Variants in SEPSECS observed in about 807,000 individuals in gnomAD.
The protein encoded by SEPSECS is Sep (O-phosphoserine) tRNA:Sec (selenocysteine) tRNA synthase.
SEPSECS carries 42 observed loss-of-function variants against 52.1 expected under a neutral mutation model. The observed-to-expected ratio is 0.81, with a 90% CI of 0.63 to 1.04. The LOEUF (loss-of-function observed/expected upper bound fraction) is 1.04. Ranked by LOEUF, SEPSECS falls within the 50% of genes least tolerant of loss-of-function variation. SEPSECS has a pLI of 0.00. For missense variants in SEPSECS, 590 were observed against 610.6 expected (o/e 0.97, Z 0.36); for synonymous variants, 216 against 211.4 (o/e 1.02, Z -0.19).
chr4:25,160,120 C>A (rs1712973427), intron 1 of SEPSECS, 136 bp downstream of exon 1: 1 of 1,468,158 alleles, frequency 6.8e-7, no homozygotes, highest in Non-Finnish European at 9.0e-7. Flanking sequence ...TCAGCTAGGG[C>A]AAGCCAAGCT....
chr4:25,158,715 C>A lies in SEPSECS; in HGVS notation c.269+238G>T, dbSNP rs920370761. On this transcript the variant is annotated intron_variant, in intron 2 of 10. Transcript: ENST00000382103. ...GAAAACGTATAGCCTGTGTTAGTCA[C>A]CCAGAACCTGACAGGGTAACCCCCA... Among the ~76,000 whole-genome samples the A allele has an allele frequency of 5.9e-5, 9 of 152,152 alleles. No individual in the cohort carries two copies. In the East Asian group the frequency reaches 1.3e-3, roughly 23 times the overall value.
At chr4:25,160,563 A>T (rs1713024552), upstream of SEPSECS, 5 of 515,574 alleles carry the variant, frequency 9.7e-6, no homozygotes, top group Non-Finnish European at 1.7e-5. Context: ...ATGGCGCTCC[A>T]GGAGGAAGTT....
chr4:25,120,748 A>G lies in SEPSECS; in HGVS notation c.*3183T>C, dbSNP rs1728090095. On this transcript the variant is annotated 3_prime_UTR_variant, in exon 11 of 11. Coordinates refer to ENST00000382103, the MANE Select transcript of SEPSECS (RefSeq NM_016955.4). Reference sequence around the variant, plus strand: ...GTATGTATTCCAAAAACTTTCTCCGAGTATGAGTCAGACTCACCAGAGCTT... The same window carrying G: ...GTATGTATTCCAAAAACTTTCTCCGGGTATGAGTCAGACTCACCAGAGCTT... 6.6e-6 allele frequency: 1 copy of G among 152,194 alleles called. No individual in the cohort carries two copies. Among genetic ancestry groups the G allele is most frequent in the African/African-American group, 2.4e-5 (1 of 41,470 alleles). The allele number at this position is 152,194 out of a possible 1,614,324, so 9.4% of individuals were successfully genotyped here. A position where few individuals can be genotyped will look rare whatever the true frequency, so the allele number is the denominator to read the frequency against.
intron 6 of SEPSECS, among the ~76,000 whole-genome samples, chr4:25,149,697 G>T (rs1272992382): frequency 6.6e-6 from 1 of 152,064 alleles, no homozygotes; most frequent in Non-Finnish European, 1.5e-5. Flanking sequence ...AAATTACACA[G>T]AAGAAGAGCA....
At chr4:25,156,818 C>T in intron 3 of SEPSECS, 38 bp downstream of exon 3, 1 of 1,034,616 alleles carries the variant, frequency 9.7e-7, no homozygotes, top group African/African-American at 1.6e-5. Flanking sequence ...TGTGTGTGTC[C>T]AGACAGCCAA....
chr4:25,151,931 G>T, intron 6 of SEPSECS, 29 bp downstream of exon 6: 1 of 1,155,820 alleles, frequency 8.7e-7, no homozygotes, highest in South Asian at 1.2e-5. Flanking sequence ...ATTTTTCCTT[G>T]ACATACATAT....
chr4:25,144,888 C>T (rs1357467138), intron 7 of SEPSECS, 23 bp from the exon 8 acceptor site: 3 of 1,596,502 alleles, frequency 1.9e-6, no homozygotes. Context: ...GGATAAGTTA[C>T]ATTAAGACTG....
At position 25,132,983 on chromosome 4, in the gene SEPSECS, T is replaced by C. The variant is rs138725299; in HGVS notation, c.1027-5626A>G. Among the ~76,000 whole-genome samples, 5 of 152,290 alleles carry C rather than the reference T, an allele frequency of 3.3e-5. No individual in the cohort carries two copies. The East Asian group carries it at 9.7e-4, about 29-fold the overall frequency. On this transcript the variant is annotated intron_variant, in intron 8 of 10. Transcript: ENST00000382103. ...AACTCCTCTGGGCCTCAATTTTATC[T>C]GCAAAATGGGGATAATTCCTACCTC...
rs1728200183 is a variant in SEPSECS, at chr4:25,123,148, T to C, written c.*783A>G. The C allele has an allele frequency of 6.6e-6, 1 of 152,264 alleles. No individual in the cohort carries two copies. Among genetic ancestry groups the C allele is most frequent in the South Asian group, 2.1e-4 (1 of 4,836 alleles). 9.4% of individuals were successfully genotyped at this position (152,264 alleles called of 1,614,324 possible). On this transcript the variant is annotated 3_prime_UTR_variant, in exon 11 of 11. Coordinates refer to ENST00000382103, the MANE Select transcript of SEPSECS (RefSeq NM_016955.4). ...ATATAGTATAGTTTGATGACATTTATACAGCTATCTTCTTTGAAGTACTAC... is the reference window on the plus strand; with the variant it reads ...ATATAGTATAGTTTGATGACATTTACACAGCTATCTTCTTTGAAGTACTAC...
intron 8 of SEPSECS, among the ~76,000 whole-genome samples, chr4:25,137,222 A>C (rs1439442524): frequency 6.6e-6 from 1 of 152,240 alleles, no homozygotes; most frequent in African/African-American, 2.4e-5. Flanking sequence ...AATGTGATCT[A>C]ATTAAACTAA....
intron 1 of SEPSECS, chr4:25,159,945 T>C (rs1011163510): frequency 2.0e-6 from 2 of 985,288 alleles, no homozygotes; most frequent in African/African-American, 3.5e-5. Context: ...GTGCGAACTT[T>C]GCCCTTTCCG....
chr4:25,141,544 C>T (rs1465317192), intron 8 of SEPSECS, among the ~76,000 whole-genome samples: 1 of 152,160 alleles, frequency 6.6e-6, no homozygotes, highest in East Asian at 1.9e-4. Flanking sequence ...CTGACTCTAA[C>T]CACTTCTTAT....
At chr4:25,133,911 C>T (rs1274644233) in intron 8 of SEPSECS, among the ~76,000 whole-genome samples, 1 of 151,154 alleles carries the variant, frequency 6.6e-6, no homozygotes, top group Admixed American at 6.6e-5. Flanking sequence ...CTCAGGAGTT[C>T]GAGACCAAAC....
At chr4:25,143,850 T>C (rs996230536) in intron 8 of SEPSECS, among the ~76,000 whole-genome samples, 1 of 152,164 alleles carries the variant, frequency 6.6e-6, no homozygotes, top group Non-Finnish European at 1.5e-5. Context: ...AGTTATCAGA[T>C]TTAAAAACTG....
At position 25,123,897 on chromosome 4, in the gene SEPSECS, T is replaced by C. The variant is rs756670999; in HGVS notation, c.*34A>G. On this transcript the variant is annotated 3_prime_UTR_variant, in exon 11 of 11. Transcript: ENST00000382103. Reference sequence around the variant, plus strand: ...TTGCTTGTACTACAGCCTTATCATTTCTTTCAAATGATCAAGAAGAAACCC... The same window carrying C: ...TTGCTTGTACTACAGCCTTATCATTCCTTTCAAATGATCAAGAAGAAACCC... 4 of 1,577,082 alleles carry C rather than the reference T, an allele frequency of 2.5e-6. No individual in the cohort carries two copies. In the African/African-American group the frequency reaches 4.0e-5, roughly 16 times the overall value.
chr4:25,133,737 A>G (rs1358801467), intron 8 of SEPSECS, among the ~76,000 whole-genome samples: 1 of 152,156 alleles, frequency 6.6e-6, no homozygotes, highest in Non-Finnish European at 1.5e-5. Flanking sequence ...ATTCCTTTTC[A>G]CAAGTTTTTG....
chr4:25,148,352 C>CAAAAAA (rs34262935), intron 6 of SEPSECS, among the ~76,000 whole-genome samples: 5 of 75,584 alleles, frequency 6.6e-5, no homozygotes, highest in Non-Finnish European at 6.9e-5. Flanking sequence ...GACTCCGTCT[C>CAAAAAA]AAAAAAAAAA....
At chr4:25,148,640 C>T (rs982656255) in intron 6 of SEPSECS, among the ~76,000 whole-genome samples, 1 of 152,144 alleles carries the variant, frequency 6.6e-6, no homozygotes, top group South Asian at 2.1e-4. Flanking sequence ...TAAGTTCTAA[C>T]GTTCAATAGC....
chr4:25,123,811 T>C lies in SEPSECS; in HGVS notation c.*120A>G. Reference sequence around the variant, plus strand: ...GCTAGTTCAGACCAAAGTCTGCTCCTTGACTGAATATTCCCATGAAATTCT... The same window carrying C: ...GCTAGTTCAGACCAAAGTCTGCTCCCTGACTGAATATTCCCATGAAATTCT... On this transcript the variant is annotated 3_prime_UTR_variant, in exon 11 of 11. Coordinates refer to ENST00000382103, the MANE Select transcript of SEPSECS (RefSeq NM_016955.4). The C allele has an allele frequency of 1.1e-6, 1 of 891,754 alleles. No individual in the cohort carries two copies. Among genetic ancestry groups the C allele is most frequent in the East Asian group, 2.5e-5 (1 of 40,702 alleles). 55.2% of individuals were successfully genotyped at this position (891,754 alleles called of 1,614,324 possible). A position where few individuals can be genotyped will look rare whatever the true frequency, so the allele number is the denominator to read the frequency against.
Sources: allele counts gnomAD v4.1 joint callset (sites outside exome capture counted in the v4.1 genomes callset), GRCh38; gene constraint gnomAD v4.1.1; transcripts MANE v1.5; gene names NCBI Gene and HGNC (gene_info 2026-07-23, HGNC 2026-07-21).